The following CADPS2 variants were observed in gnomAD, a reference collection of about 807,000 sequenced individuals.
CADPS2 encodes calcium dependent secretion activator 2, also known as calcium-dependent secretion activator 2.
A neutral mutation model predicts 172.5 loss-of-function variants in CADPS2; 93 were observed. The ratio of observed to expected loss-of-function variants is 0.54; its 90% CI spans 0.46 to 0.64. CADPS2 has a LOEUF of 0.64. Ranked by LOEUF, CADPS2 falls within the 30% of genes least tolerant of loss-of-function variation. CADPS2 has a pLI of 0.00. For missense variants in CADPS2, 1,420 were observed against 1,565.9 expected (o/e 0.91, Z 1.57); for synonymous variants, 546 against 555.2 (o/e 0.98, Z 0.23).
chr7:122,569,499 A>G (rs1330891726), intron 7 of CADPS2, among the ~76,000 whole-genome samples: 5 of 150,036 alleles, frequency 3.3e-5, no homozygotes, highest in African/African-American at 1.2e-4. Context: ...TCAAGCTACC[A>G]ATGACTTTCT....
intron 8 of CADPS2, among the ~76,000 whole-genome samples, chr7:122,531,005 C>A (rs1437125426): frequency 6.6e-6 from 1 of 152,078 alleles, no homozygotes; most frequent in East Asian, 1.9e-4. Context: ...TGAGAAAAAA[C>A]CAACAACAAC....
At position 122,393,239 on chromosome 7, in the gene CADPS2, T is replaced by C. The variant is rs780178365; in HGVS notation, c.2965A>G (p.Asn989Asp). 6.2e-7 allele frequency: 1 copy of C among 1,613,822 alleles called. No homozygotes were observed. The highest frequency in any genetic ancestry group is 8.5e-7 in the Non-Finnish European group (1 of 1,179,796). Residue 989 changes from asparagine to aspartate, a missense_variant, in exon 22 of 30, where the codon AAC becomes GAC. Physicochemically the swap from Asn to Asp is conservative, Grantham distance 23 (BLOSUM62 1). Transcript: ENST00000449022. ...SLPLNLPQIP[N>D]ISTASWMPSL... is the part of the protein sequence containing the mutation. Reference sequence around the variant, plus strand: ...GGCATCCACGAAGCAGTAGAAATGTTAGGAATCTGTGGAAGATTAAGAGGC... The same window carrying C: ...GGCATCCACGAAGCAGTAGAAATGTCAGGAATCTGTGGAAGATTAAGAGGC...
chr7:122,670,543 G>A (rs1343387533), intron 2 of CADPS2, among the ~76,000 whole-genome samples: 4 of 151,592 alleles, frequency 2.6e-5, no homozygotes, highest in Admixed American at 2.6e-4. Context: ...TGTCACCCAG[G>A]CGGGAGTCCA....
At chr7:122,345,239 C>T (rs2037394383) in intron 28 of CADPS2, among the ~76,000 whole-genome samples, 1 of 152,288 alleles carries the variant, frequency 6.6e-6, no homozygotes, top group East Asian at 1.9e-4. Context: ...GATTCTTGTG[C>T]TGCAGCCTCT....
chr7:122,538,363 G>GTT (rs1183957886), intron 8 of CADPS2, among the ~76,000 whole-genome samples: 10 of 119,192 alleles, frequency 8.4e-5, no homozygotes, highest in African/African-American at 2.1e-4. Flanking sequence ...TAGGTTTTTT[G>GTT]TTTTTTTTTT....
At chr7:122,801,460 A>G (rs1383257765) in intron 1 of CADPS2, among the ~76,000 whole-genome samples, 6 of 152,236 alleles carry the variant, frequency 3.9e-5, no homozygotes, top group African/African-American at 1.4e-4. Flanking sequence ...TGCTAACAAA[A>G]TGTATTAGCA....
intron 24 of CADPS2, among the ~76,000 whole-genome samples, chr7:122,380,170 G>T (rs2042827240): frequency 6.6e-6 from 1 of 151,692 alleles, no homozygotes; most frequent in Admixed American, 6.6e-5. Flanking sequence ...TTTCTTTAGA[G>T]AATACTAGAG....
intron 6 of CADPS2, 53 bp downstream of exon 6, chr7:122,615,128 G>A: frequency 9.4e-7 from 1 of 1,058,688 alleles, no homozygotes; most frequent in Non-Finnish European, 1.4e-6. Context: ...GTTTCTTTGG[G>A]AGGATTAAAA....
At chr7:122,807,594 C>A (rs1799065898) in intron 1 of CADPS2, among the ~76,000 whole-genome samples, 1 of 152,216 alleles carries the variant, frequency 6.6e-6, no homozygotes, top group South Asian at 2.1e-4. Flanking sequence ...ATGCCACAGA[C>A]TGGGTGGCTT....
chr7:122,880,373 A>G lies in CADPS2; in HGVS notation c.339+5626T>C, dbSNP rs1822567901. On this transcript the variant is annotated intron_variant, in intron 1 of 29. Transcript: ENST00000449022. ...CACCTAGACACCTTTTATAAGTCTA[A>G]ATAAATATGCACTAGCCTCTCCACT... 5.3e-5 allele frequency among the ~76,000 whole-genome samples: 8 copies of G among 152,332 alleles called. No homozygotes were observed. The South Asian group carries it at 1.5e-3, about 28-fold the overall frequency.
At chr7:122,560,129 A>G (rs1413549996) in intron 7 of CADPS2, among the ~76,000 whole-genome samples, 1 of 152,116 alleles carries the variant, frequency 6.6e-6, no homozygotes, top group Non-Finnish European at 1.5e-5. Flanking sequence ...GGAATAGAAT[A>G]AGACTTCATT....
chr7:122,599,472 T>C (rs1434342634), intron 6 of CADPS2, among the ~76,000 whole-genome samples: 1 of 152,060 alleles, frequency 6.6e-6, no homozygotes, highest in Non-Finnish European at 1.5e-5. Context: ...CCCAAGTCTC[T>C]GGCTAAGGAA....
At chr7:122,534,124 T>A (rs1236501527) in intron 8 of CADPS2, among the ~76,000 whole-genome samples, 3 of 152,058 alleles carry the variant, frequency 2.0e-5, no homozygotes, top group African/African-American at 7.2e-5. Context: ...GATTTAGGAG[T>A]CTGAACATTT....
chr7:122,451,155 A>G (rs970277458), intron 15 of CADPS2, among the ~76,000 whole-genome samples: 3 of 152,066 alleles, frequency 2.0e-5, no homozygotes, highest in African/African-American at 7.2e-5. Context: ...TGGAACGGAT[A>G]TTGTAGGGGG....
At chr7:122,871,366 A>G (rs1819702383) in intron 1 of CADPS2, among the ~76,000 whole-genome samples, 1 of 152,050 alleles carries the variant, frequency 6.6e-6, no homozygotes, top group Admixed American at 6.6e-5. Context: ...CAGTTGTACC[A>G]CATTCAAAAT....
chr7:122,852,425 T>G (rs1813913729), intron 1 of CADPS2, among the ~76,000 whole-genome samples: 1 of 152,138 alleles, frequency 6.6e-6, no homozygotes, highest in South Asian at 2.1e-4. Flanking sequence ...TATAGTATAT[T>G]AAGAGGTAAT....
At chr7:122,760,029 T>A (rs1183898833) in intron 1 of CADPS2, among the ~76,000 whole-genome samples, 1 of 151,874 alleles carries the variant, frequency 6.6e-6, no homozygotes, top group African/African-American at 2.4e-5. Context: ...ACAGCACATA[T>A]ATTTACCTAT....
At chr7:122,665,628 A>G (rs923325856) in intron 2 of CADPS2, among the ~76,000 whole-genome samples, 19 of 152,336 alleles carry the variant, frequency 1.2e-4, no homozygotes, top group Non-Finnish European at 1.3e-4. Flanking sequence ...TGAACATCTC[A>G]TGTAATTTGT....
intron 15 of CADPS2, among the ~76,000 whole-genome samples, chr7:122,444,350 G>T (rs1208387819): frequency 3.3e-5 from 5 of 152,118 alleles, no homozygotes; most frequent in East Asian, 3.8e-4. Context: ...TGGGTCATAT[G>T]ATAAATGTTT....
Sources: gnomAD v4.1 joint callset for allele counts (sites outside exome capture counted in the v4.1 genomes callset) on GRCh38, gnomAD v4.1.1 for gene constraint, MANE v1.5 for transcripts, NCBI Gene and HGNC (gene_info 2026-07-23, HGNC 2026-07-21) for gene names.